PCDHA13: variants seen among roughly 807,000 people sequenced by gnomAD.
The protein encoded by PCDHA13 is protocadherin alpha-13.
A neutral mutation model predicts 64.8 loss-of-function variants in PCDHA13; 54 were observed. The ratio of observed to expected loss-of-function variants is 0.83; its 90% CI spans 0.67 to 1.04. The LOEUF (loss-of-function observed/expected upper bound fraction) is 1.04. PCDHA13 is among the 50% of genes least tolerant of loss of function. PCDHA13 has a pLI of 0.00. For missense variants in PCDHA13, 1,248 were observed against 1,254.3 expected, an observed-to-expected ratio of 0.99 and a Z score of 0.08; for synonymous variants, 587 against 564.4, an observed-to-expected ratio of 1.04 and a Z score of -0.57.
At chr5:140,912,174 A>G (rs2075803513) in intron 1 of PCDHA13, among the ~76,000 whole-genome samples, 1 of 152,166 alleles carries the variant, frequency 6.6e-6, no homozygotes, top group Non-Finnish European at 1.5e-5. Flanking sequence ...CTGTGCTGGC[A>G]GCTGATTAGA....
chr5:140,921,345 A>C (rs1411062408), intron 1 of PCDHA13, among the ~76,000 whole-genome samples: 1 of 152,120 alleles, frequency 6.6e-6, no homozygotes, highest in African/African-American at 2.4e-5. Context: ...CACATAATAT[A>C]TTTGCCTATA....
intron 1 of PCDHA13, among the ~76,000 whole-genome samples, chr5:140,890,587 G>T (rs2062701287): frequency 6.6e-6 from 1 of 151,988 alleles, no homozygotes; most frequent in African/African-American, 2.4e-5. Flanking sequence ...TTATTTGGAA[G>T]CCCTTTTCCG....
At chr5:140,939,253 G>C (rs1399135372) in intron 1 of PCDHA13, among the ~76,000 whole-genome samples, 2 of 152,060 alleles carry the variant, frequency 1.3e-5, no homozygotes, top group African/African-American at 4.8e-5. Context: ...TAGCTCTCTG[G>C]AACCTCTTTT....
In PCDHA13 at chr5:140,982,477, C is replaced by G. The variant is rs782587733; in HGVS notation, c.2456C>G (p.Ser819Cys). ...SASLRAGMHS[S>C]VHLEEAGILR... ...TCTGGGTCTGTGTGTTTATTCAGCT[C>G]TGTGCACCTAGAGGAGGCTGGCATT... is the stretch of plus-strand genomic sequence containing the variant. Residue 819 changes from serine to cysteine, a missense_variant and splice_region_variant, in exon 3 of 4, where the codon TCT (serine) becomes TGT (cysteine). Coordinates refer to ENST00000289272, the MANE Select transcript of PCDHA13 (RefSeq NM_018904.3). 2 of 1,614,188 alleles carry G rather than the reference C, an allele frequency of 1.2e-6. No homozygotes were observed. Among genetic ancestry groups the G allele is most frequent in the Non-Finnish European group, 1.7e-6 (2 of 1,180,030 alleles).
At chr5:140,927,630 A>C in intron 1 of PCDHA13, 1 of 1,614,182 alleles carries the variant, frequency 6.2e-7, no homozygotes, top group Non-Finnish European at 8.5e-7. Context: ...CAGAGACTGC[A>C]CCCAATGGGA....
intron 1 of PCDHA13, among the ~76,000 whole-genome samples, chr5:140,949,378 A>G (rs2094372256): frequency 6.6e-6 from 1 of 151,852 alleles, no homozygotes; most frequent in South Asian, 2.1e-4. Flanking sequence ...TGTCCTATCA[A>G]TTGCTCAGAG....
chr5:141,009,174 G>A (rs1281128951), intron 3 of PCDHA13, among the ~76,000 whole-genome samples: 1 of 152,228 alleles, frequency 6.6e-6, no homozygotes, highest in African/African-American at 2.4e-5. Flanking sequence ...ACTGGCCTTG[G>A]CTGGGTGTGG....
chr5:140,909,935 A>G (rs2074774035), intron 1 of PCDHA13, among the ~76,000 whole-genome samples: 1 of 152,154 alleles, frequency 6.6e-6, no homozygotes, highest in Admixed American at 6.5e-5. Flanking sequence ...AATCACAGTT[A>G]CTCTGGTAAA....
chr5:141,002,806 G>T (rs1341419225), intron 3 of PCDHA13, among the ~76,000 whole-genome samples: 1 of 152,162 alleles, frequency 6.6e-6, no homozygotes, highest in Non-Finnish European at 1.5e-5. Context: ...GGAAACTGAG[G>T]CTCAGAGATA....
At position 141,009,688 on chromosome 5, in the gene PCDHA13, C is replaced by A. The variant is rs2098413722; in HGVS notation, c.2604C>A (p.Thr868=). 1 of 1,613,960 alleles carries A rather than the reference C, an allele frequency of 6.2e-7. No individual in the cohort carries two copies. Among genetic ancestry groups the A allele is most frequent in the Admixed American group, 1.7e-5 (1 of 59,994 alleles). ...CGGGTGTCAACAGCAACAGCTGGAC[C>A]TTTAAATACGGACCAGGCAACCCCA... ...VGAGVNSNSW[T]FKYGPGNPKQ... is the part of the protein sequence containing the mutation. Residue 868 remains threonine, a synonymous_variant, in exon 4 of 4, where the codon ACC becomes ACA. Transcript: ENST00000289272.
At chr5:140,948,679 A>C (rs1318286539) in intron 1 of PCDHA13, among the ~76,000 whole-genome samples, 1 of 151,394 alleles carries the variant, frequency 6.6e-6, no homozygotes, top group Admixed American at 6.6e-5. Context: ...CATCTTTTTC[A>C]TTTTTGATAT....
intron 2 of PCDHA13, among the ~76,000 whole-genome samples, chr5:140,980,164 G>A (rs187011465): frequency 1.6e-3 from 238 of 152,226 alleles, no homozygotes; most frequent in Middle Eastern, 6.8e-3. Context: ...AGAATATTAG[G>A]TATCAGAAGA....
At chr5:140,996,752 G>T (rs1454271001) in intron 3 of PCDHA13, among the ~76,000 whole-genome samples, 4 of 152,090 alleles carry the variant, frequency 2.6e-5, no homozygotes, top group African/African-American at 7.2e-5. Context: ...AATTATATCT[G>T]TGCAGGACTA....
intron 1 of PCDHA13, among the ~76,000 whole-genome samples, chr5:140,949,542 T>G (rs1418281515): frequency 6.6e-6 from 1 of 151,916 alleles, no homozygotes; most frequent in East Asian, 1.9e-4. Context: ...AATATCGATT[T>G]GTTGCTGGTC....
At chr5:140,942,109 A>G (rs534603504) in intron 1 of PCDHA13, among the ~76,000 whole-genome samples, 55 of 152,334 alleles carry the variant, frequency 3.6e-4, no homozygotes, top group African/African-American at 1.3e-3. Flanking sequence ...CATATAATCA[A>G]ACTTTATTAA....
At chr5:140,885,119 TTTTC>T (rs1425065169) in intron 1 of PCDHA13, among the ~76,000 whole-genome samples, 2 of 152,334 alleles carry the variant, frequency 1.3e-5, no homozygotes, top group East Asian at 3.9e-4. Context: ...TTAAGTGCAC[TTTTC>T]TTTCTTTCTT....
rs148181752 is a variant in PCDHA13, at chr5:140,966,860, TTGCTGC to T, written c.2395-12081_2395-12076del. 7,760 of 1,577,476 alleles carry T rather than the reference TTGCTGC, an allele frequency of 4.9e-3. 268 individuals are homozygous for T. The African/African-American group carries it at 0.086, about 18-fold the overall frequency. ...GCTGCTACTGCCTCTCCTGCTGCTG[TTGCTGC>T]TGCTGCTACCTGGCCCTGCGGCCTC... On this transcript the variant is annotated intron_variant, in intron 1 of 3. Coordinates refer to ENST00000289272, the MANE Select transcript of PCDHA13 (RefSeq NM_018904.3).
At chr5:140,919,050 G>T (rs2153552038) in intron 1 of PCDHA13, among the ~76,000 whole-genome samples, 1 of 152,302 alleles carries the variant, frequency 6.6e-6, no homozygotes, top group Admixed American at 6.5e-5. Context: ...ATTATTGGAA[G>T]TGGAGTATTA....
chr5:140,897,726 A>T (rs149995278), intron 1 of PCDHA13, among the ~76,000 whole-genome samples: 22,632 of 152,088 alleles, frequency 0.15, 1,739 homozygotes, highest in Middle Eastern at 0.2. Flanking sequence ...GCTGGGTCAA[A>T]TAGTATTTCT....
Sources: gnomAD v4.1 joint callset for allele counts (sites outside exome capture counted in the v4.1 genomes callset) on GRCh38, gnomAD v4.1.1 for gene constraint, MANE v1.5 for transcripts, NCBI Gene and HGNC (gene_info 2026-07-23, HGNC 2026-07-21) for gene names.